Variants in SLC4A4 observed in about 807,000 individuals in gnomAD.
SLC4A4 encodes electrogenic sodium bicarbonate cotransporter 1.
A neutral mutation model predicts 111.5 loss-of-function variants in SLC4A4; 27 were observed. That is an observed-to-expected ratio of 0.24 (90% CI 0.18 to 0.33). The LOEUF is 0.33. SLC4A4 is among the 10% of genes least tolerant of loss of function. SLC4A4 has a pLI of 1.00. For synonymous variants in SLC4A4, 443 were observed against 463.4 expected (o/e 0.96, Z 0.57); for missense variants, 909 against 1,315.5 (o/e 0.69, Z 4.78).
At chr4:71,065,843 AT>A (rs1741504724) in intron 1 of SLC4A4, among the ~76,000 whole-genome samples, 1 of 152,088 alleles carries the variant, frequency 6.6e-6, no homozygotes, top group Non-Finnish European at 1.5e-5. Flanking sequence ...TACTTTTGCT[AT>A]TGTATTAGGT....
chr4:71,302,855 G>T (rs907147436), intron 3 of SLC4A4, among the ~76,000 whole-genome samples: 6 of 152,200 alleles, frequency 3.9e-5, no homozygotes, highest in Non-Finnish European at 7.3e-5. Flanking sequence ...TTTGGGGATG[G>T]AAAACATCAA....
intron 7 of SLC4A4, among the ~76,000 whole-genome samples, chr4:71,430,190 A>G (rs766187226): frequency 6.6e-6 from 1 of 152,006 alleles, no homozygotes; most frequent in Non-Finnish European, 1.5e-5. Flanking sequence ...TGTACTTTTT[A>G]TATGGTATTT....
intron 3 of SLC4A4, among the ~76,000 whole-genome samples, chr4:71,322,813 A>G (rs1371121578): frequency 6.6e-6 from 1 of 151,996 alleles, no homozygotes; most frequent in Non-Finnish European, 1.5e-5. Flanking sequence ...TACCATTTCA[A>G]TTAATAAGTG....
At chr4:71,338,185 G>A (rs771638578) in intron 3 of SLC4A4, among the ~76,000 whole-genome samples, 7 of 151,950 alleles carry the variant, frequency 4.6e-5, no homozygotes, top group African/African-American at 1.5e-4. Flanking sequence ...GATTAGTTTC[G>A]ATTTTTAATT....
rs376043069 is a variant in SLC4A4, at chr4:71,156,588, G to GCGCGCACA, written c.-2+63797_-2+63798insGCGCACAC. On this transcript the variant is annotated intron_variant, in intron 2 of 26. Transcript: ENST00000649996. ...TGTGCGCGCATGCGCGCGCGCGCGC[G>GCGCGCACA]CACACACACACACACACACACACAC... 3.9e-3 allele frequency among the ~76,000 whole-genome samples: 544 copies of GCGCGCACA among 138,520 alleles called. 2 individuals carry two copies. The highest frequency in any genetic ancestry group is 0.03 in the South Asian group (111 of 3,706). The allele number at this position is 138,520 out of a possible 152,430, so 90.9% of individuals were successfully genotyped here.
chr4:71,481,240 G>T (rs1477468921), intron 14 of SLC4A4, among the ~76,000 whole-genome samples: 1 of 151,706 alleles, frequency 6.6e-6, no homozygotes, highest in African/African-American at 2.4e-5. Flanking sequence ...TCTCCACATT[G>T]TATTAGGTGA....
intron 2 of SLC4A4, among the ~76,000 whole-genome samples, chr4:71,114,686 A>G (rs1262453566): frequency 3.4e-5 from 5 of 148,364 alleles, no homozygotes; most frequent in African/African-American, 1.0e-4. Context: ...TCAGGAAACA[A>G]CAGGTGCTGG....
intron 1 of SLC4A4, among the ~76,000 whole-genome samples, chr4:71,078,510 G>T (rs1741908996): frequency 1.3e-5 from 2 of 152,048 alleles, no homozygotes; most frequent in Non-Finnish European, 2.9e-5. Flanking sequence ...TCTTGGAAAG[G>T]CTTAAGTAAA....
intron 6 of SLC4A4, among the ~76,000 whole-genome samples, chr4:71,365,599 T>A (rs1238978918): frequency 6.6e-6 from 1 of 152,216 alleles, no homozygotes; most frequent in Non-Finnish European, 1.5e-5. Flanking sequence ...TCAACTCCTG[T>A]ATCCATAGAA....
At chr4:71,197,645 C>T (rs1004177861) in intron 1 of SLC4A4, among the ~76,000 whole-genome samples, 6 of 152,120 alleles carry the variant, frequency 3.9e-5, no homozygotes, top group African/African-American at 1.4e-4. Context: ...CTAATGGGTG[C>T]AGCACACCAA....
At chr4:71,490,700 C>A (rs1289627421) in intron 15 of SLC4A4, among the ~76,000 whole-genome samples, 2 of 151,806 alleles carry the variant, frequency 1.3e-5, no homozygotes, top group African/African-American at 2.4e-5. Context: ...TCCTGTCCAA[C>A]CCCCAGTCTT....
rs755080451 is a variant in SLC4A4 at position 71,486,959 on chromosome 4, A to G, written c.1915A>G (p.Ile639Val). Residue 639 changes from isoleucine (I) to valine (V), a missense_variant, in exon 15 of 26, where the codon ATA (isoleucine) becomes GTA (valine). Ile to Val is a conservative substitution (Grantham distance 29). Coordinates refer to ENST00000264485, the MANE Select transcript of SLC4A4 (RefSeq NM_001098484.3). Reference protein sequence around the residue: ...CVPPDPANISISNDTTLAPEY... With the variant: ...CVPPDPANISVSNDTTLAPEY... ...TCTTTTGCTTACAGCTAATATCTCA[A>G]TATCTAATGACACCACACTGGCCCC... 5.0e-6 allele frequency: 8 copies of G among 1,597,556 alleles called. No homozygotes were observed. In the South Asian group the frequency reaches 8.8e-5, roughly 18 times the overall value.
intron 3 of SLC4A4, among the ~76,000 whole-genome samples, chr4:71,279,392 C>T (rs568121009): frequency 1.3e-5 from 2 of 152,188 alleles, no homozygotes; most frequent in East Asian, 3.9e-4. Flanking sequence ...CCTCCATGTT[C>T]ATCTGTGTTG....
rs537955640 is a variant in SLC4A4, at chr4:71,305,472, A to G, written c.254-33898A>G. 9.2e-5 allele frequency among the ~76,000 whole-genome samples: 14 copies of G among 152,370 alleles called. No homozygotes were observed. The South Asian group carries it at 1.7e-3, about 18-fold the overall frequency. ...TAGCATGTTAAATGAAAGATGAAGC[A>G]TAAAGATGAAATGTGAGCATTTTTT... On this transcript the variant is annotated intron_variant, in intron 3 of 25. Transcript: ENST00000264485.
intron 1 of SLC4A4, among the ~76,000 whole-genome samples, chr4:71,227,345 G>C (rs1459825396): frequency 2.6e-5 from 4 of 152,158 alleles, no homozygotes; most frequent in Non-Finnish European, 5.9e-5. Flanking sequence ...TCCATGTAAT[G>C]AAGAAACACT....
chr4:71,241,739 C>T (rs1043226970), intron 2 of SLC4A4, among the ~76,000 whole-genome samples: 3 of 152,260 alleles, frequency 2.0e-5, no homozygotes, highest in Non-Finnish European at 2.9e-5. Flanking sequence ...GCAAATACTG[C>T]TAAAGGAAAA....
intron 1 of SLC4A4, chr4:71,236,115 G>A: frequency 9.8e-7 from 1 of 1,024,014 alleles, no homozygotes; most frequent in Non-Finnish European, 1.2e-6. Flanking sequence ...GTGTGCATGT[G>A]TGTGTGTGTG....
chr4:71,077,091 T>TATAAA (rs1490882640), intron 1 of SLC4A4, among the ~76,000 whole-genome samples: 1 of 148,380 alleles, frequency 6.7e-6, no homozygotes, highest in East Asian at 1.9e-4. Context: ...AATATATATA[T>TATAAA]ATAAAATAAA....
intron 7 of SLC4A4, among the ~76,000 whole-genome samples, chr4:71,424,134 C>T (rs970379644): frequency 4.3e-4 from 65 of 152,014 alleles, no homozygotes; most frequent in African/African-American, 1.4e-3. Context: ...TGAACTCAAA[C>T]AAATTTACAA....
Sources: allele counts gnomAD v4.1 joint callset (sites outside exome capture counted in the v4.1 genomes callset), GRCh38; gene constraint gnomAD v4.1.1; transcripts MANE v1.5; gene names NCBI Gene and HGNC (gene_info 2026-07-23, HGNC 2026-07-21).